NCOA1: variants seen among roughly 807,000 people sequenced by gnomAD.
The protein encoded by NCOA1 is Hin-2 protein.
Under a neutral mutation model 150.9 loss-of-function variants are expected in NCOA1, and 35 were observed. That is an observed-to-expected ratio of 0.23 (90% CI 0.18 to 0.31). NCOA1 has a LOEUF of 0.31. Ranked by LOEUF, NCOA1 falls within the 10% of genes least tolerant of loss-of-function variation. NCOA1 has a pLI of 1.00. For synonymous variants in NCOA1, 590 were observed against 630.0 expected (o/e 0.94, Z 0.95); for missense variants, 1,491 against 1,749.3 (o/e 0.85, Z 2.63).
intron 3 of NCOA1, among the ~76,000 whole-genome samples, chr2:24,608,240 G>A (rs1668456355): frequency 7.1e-6 from 1 of 140,580 alleles, no homozygotes; most frequent in Non-Finnish European, 1.5e-5. Context: ...TCCTCACCCA[G>A]TTCCCCTATT....
intron 2 of NCOA1, among the ~76,000 whole-genome samples, chr2:24,569,841 G>T (rs1666667718): frequency 6.7e-6 from 1 of 148,618 alleles, no homozygotes; most frequent in African/African-American, 2.5e-5. Context: ...CTGCACTCCA[G>T]TCTGGGCAAC....
At chr2:24,661,606 TTTAA>T (rs1455617651) in intron 5 of NCOA1, among the ~76,000 whole-genome samples, 8 of 152,188 alleles carry the variant, frequency 5.3e-5, no homozygotes, top group African/African-American at 1.9e-4. Context: ...TGTTTAGGGT[TTTAA>T]TTAATCTGAA....
chr2:24,603,317 A>T (rs572041963), intron 3 of NCOA1, among the ~76,000 whole-genome samples: 2 of 152,332 alleles, frequency 1.3e-5, no homozygotes, highest in South Asian at 4.1e-4. Context: ...ACTAATCAGG[A>T]TGGTGGTTGC....
At chr2:24,666,134 C>T (rs1198422032) in intron 6 of NCOA1, among the ~76,000 whole-genome samples, 1 of 151,740 alleles carries the variant, frequency 6.6e-6, no homozygotes, top group Non-Finnish European at 1.5e-5. Flanking sequence ...GCCTCAGCCT[C>T]CCAAGTAGCT....
chr2:24,748,048 G>A (rs957810879), intron 19 of NCOA1, among the ~76,000 whole-genome samples: 5 of 151,802 alleles, frequency 3.3e-5, no homozygotes, highest in Non-Finnish European at 7.4e-5. Flanking sequence ...GGAGGTTGTG[G>A]TGAGCTGAGA....
intron 10 of NCOA1, among the ~76,000 whole-genome samples, chr2:24,694,675 A>G (rs1016673580): frequency 1.3e-5 from 2 of 152,156 alleles, no homozygotes; most frequent in Non-Finnish European, 2.9e-5. Context: ...GTAATTATCA[A>G]TTATCATAGC....
At chr2:24,627,637 C>A (rs1006424896) in intron 3 of NCOA1, among the ~76,000 whole-genome samples, 6 of 152,118 alleles carry the variant, frequency 3.9e-5, no homozygotes, top group African/African-American at 1.4e-4. Context: ...ACATATAAAA[C>A]CTATATTGGA....
At chr2:24,517,647 G>T (rs191756187) in intron 1 of NCOA1, among the ~76,000 whole-genome samples, 11 of 152,298 alleles carry the variant, frequency 7.2e-5, no homozygotes, top group Admixed American at 6.5e-4. Context: ...TGGAAACAAG[G>T]TTGTTCTTAG....
At chr2:24,562,070 C>G (rs1183328294) in intron 1 of NCOA1, among the ~76,000 whole-genome samples, 3 of 151,922 alleles carry the variant, frequency 2.0e-5, no homozygotes, top group Admixed American at 1.3e-4. Context: ...AGAGCATTAT[C>G]TACTATTATT....
chr2:24,560,389 C>T (rs1402013484), intron 1 of NCOA1, among the ~76,000 whole-genome samples: 1 of 151,990 alleles, frequency 6.6e-6, no homozygotes, highest in East Asian at 1.9e-4. Flanking sequence ...GCCTTGTGAC[C>T]TCCACTCTTT....
In NCOA1 at chr2:24,547,462, C is replaced by T. The variant is rs143827395; in HGVS notation, c.-395-16833C>T. ...GAATTTACTCTTTCATCTTAGTTTT[C>T]CCTGAACTGGAGGGCTTACTGACGT... is the stretch of plus-strand genomic sequence containing the variant. On this transcript the variant is annotated intron_variant, in intron 1 of 22. Transcript: ENST00000348332. Among the ~76,000 whole-genome samples the T allele has an allele frequency of 2.0e-3, 303 of 152,268 alleles. 1 individual carries two copies. Among genetic ancestry groups the T allele is most frequent in the African/African-American group, 7.1e-3 (294 of 41,550 alleles).
At chr2:24,651,190 A>G (rs1045702323) in intron 4 of NCOA1, among the ~76,000 whole-genome samples, 1 of 152,082 alleles carries the variant, frequency 6.6e-6, no homozygotes, top group Non-Finnish European at 1.5e-5. Flanking sequence ...TGACCCAGCA[A>G]TACCTTTTCT....
intron 1 of NCOA1, among the ~76,000 whole-genome samples, chr2:24,520,646 T>A (rs768227686): frequency 6.6e-6 from 1 of 152,196 alleles, no homozygotes; most frequent in Admixed American, 6.5e-5. Flanking sequence ...AGGAAACTTA[T>A]GAGAGTGATG....
At chr2:24,645,560 T>G (rs1670433233) in intron 4 of NCOA1, among the ~76,000 whole-genome samples, 1 of 150,600 alleles carries the variant, frequency 6.6e-6, no homozygotes. Context: ...CAAACACAAC[T>G]CTTTGTTTCT....
At chr2:24,571,406 T>G (rs922891130) in intron 2 of NCOA1, among the ~76,000 whole-genome samples, 1 of 152,232 alleles carries the variant, frequency 6.6e-6, no homozygotes, top group African/African-American at 2.4e-5. Flanking sequence ...GGGACAGTTT[T>G]ACTGTATAGT....
At chr2:24,567,704 A>G (rs1267747893) in intron 2 of NCOA1, among the ~76,000 whole-genome samples, 2 of 152,234 alleles carry the variant, frequency 1.3e-5, no homozygotes, top group Non-Finnish European at 2.9e-5. Context: ...AAAGTGCCAT[A>G]TAGCCTAAAT....
intron 19 of NCOA1, 76 bp from the exon 20 acceptor site, chr2:24,751,906 C>T: frequency 7.7e-7 from 1 of 1,299,756 alleles, no homozygotes; most frequent in South Asian, 1.5e-5. Flanking sequence ...TGTGACAGAT[C>T]CTTTTGGGTT....
In NCOA1 at chr2:24,726,997, G is replaced by A. The variant is rs1674660004; in HGVS notation, c.2717+291G>A. ...ACTAAAAATACAAAAAATTTGCCAG[G>A]CGTGGTGGTGCGCAGCTGTAATCCC... On this transcript the variant is annotated intron_variant, in intron 15 of 22. Transcript: ENST00000348332. Among the ~76,000 whole-genome samples, 4 of 151,862 alleles carry A rather than the reference G, an allele frequency of 2.6e-5. No individual in the cohort carries two copies. In the South Asian group the frequency reaches 8.3e-4, roughly 32 times the overall value.
intron 1 of NCOA1, among the ~76,000 whole-genome samples, chr2:24,503,515 A>T (rs1663554136): frequency 6.6e-6 from 1 of 152,242 alleles, no homozygotes; most frequent in South Asian, 2.1e-4. Context: ...GGCACCATAA[A>T]GTAGTTATAT....
Sources: allele counts gnomAD v4.1 joint callset (sites outside exome capture counted in the v4.1 genomes callset), GRCh38; gene constraint gnomAD v4.1.1; transcripts MANE v1.5; gene names NCBI Gene and HGNC (gene_info 2026-07-23, HGNC 2026-07-21).